Variants in SLC25A38 observed in about 807,000 individuals in gnomAD.
SLC25A38 encodes the protein solute carrier family 25 member 38.
Under a neutral mutation model 33.4 loss-of-function variants are expected in SLC25A38, and 27 were observed. That is an observed-to-expected ratio of 0.81 (90% CI 0.60 to 1.11). The LOEUF is 1.11. SLC25A38 is among the 50% of genes most tolerant of loss of function. The pLI, the probability that SLC25A38 is intolerant of heterozygous loss-of-function variation, is 0.00. For missense variants in SLC25A38, 344 were observed against 388.8 expected, an observed-to-expected ratio of 0.88 and a Z score of 0.97; for synonymous variants, 123 against 145.9, an observed-to-expected ratio of 0.84 and a Z score of 1.13.
intron 5 of SLC25A38, among the ~76,000 whole-genome samples, chr3:39,394,040 G>T (rs892259708): frequency 2.0e-5 from 3 of 152,128 alleles, no homozygotes; most frequent in Non-Finnish European, 4.4e-5. Context: ...TTTATCACTT[G>T]GATAAGATAC....
At chr3:39,391,283 CTA>C (rs1215332360) in intron 3 of SLC25A38, among the ~76,000 whole-genome samples, 156 bp from the exon 4 acceptor site, 10 of 152,238 alleles carry the variant, frequency 6.6e-5, no homozygotes. Flanking sequence ...GCCTTCTCTC[CTA>C]TCTCATGTCC....
chr3:39,387,503 T>G (rs866875185), intron 1 of SLC25A38, among the ~76,000 whole-genome samples: 1 of 152,034 alleles, frequency 6.6e-6, no homozygotes, highest in South Asian at 2.1e-4. Flanking sequence ...CATGGTGAGT[T>G]TTATGTGTCT....
At chr3:39,385,307 A>T (rs1278621001) in intron 1 of SLC25A38, among the ~76,000 whole-genome samples, 1 of 152,192 alleles carries the variant, frequency 6.6e-6, no homozygotes, top group Non-Finnish European at 1.5e-5. Flanking sequence ...GTACAAAGCT[A>T]AAAAAGTTAT....
chr3:39,386,516 A>G (rs1405498749), intron 1 of SLC25A38, among the ~76,000 whole-genome samples: 1 of 152,200 alleles, frequency 6.6e-6, no homozygotes, highest in African/African-American at 2.4e-5. Context: ...CATGGTTGGC[A>G]GTGAGCCATG....
At chr3:39,390,597 TGA>T in intron 3 of SLC25A38, 90 bp downstream of exon 3, 1 of 1,348,352 alleles carries the variant, frequency 7.4e-7, no homozygotes, top group East Asian at 2.3e-5. Flanking sequence ...TAAGGATATG[TGA>T]GAGTCAGAAG....
chr3:39,392,414 C>G (rs1200933930), intron 5 of SLC25A38, among the ~76,000 whole-genome samples: 1 of 152,100 alleles, frequency 6.6e-6, no homozygotes, highest in East Asian at 1.9e-4. Context: ...TCAAGACGCA[C>G]TTGATGTGAT....
rs1273433809 is a variant in SLC25A38, at chr3:39,391,902, A to G, written c.506A>G (p.Tyr169Cys). The stretch of plus-strand genomic sequence containing the variant: ...ATCTACGCTGCCCTGAGGAGCATCT[A>G]TCACAGTGAGGGGCACCGGGGCCTC... ...ESIYAALRSI[Y>C]HSEGHRGLFS... Residue 169 changes from tyrosine (Y) to cysteine (C), a missense_variant, in exon 5 of 7, where the codon TAT (tyrosine) becomes TGT (cysteine). Tyr to Cys is a radical substitution (Grantham distance 194). This residue lies in a region of SLC25A38 where 269 missense variants were observed against 271.8 expected (regional missense o/e 0.99). Coordinates refer to ENST00000650617, the MANE Select transcript of SLC25A38 (RefSeq NM_017875.4). 8.7e-6 allele frequency: 14 copies of G among 1,614,136 alleles called. No homozygotes were observed. Among genetic ancestry groups the G allele is most frequent in the African/African-American group, 1.3e-5 (1 of 75,026 alleles).
At chr3:39,391,413 T>C in intron 3 of SLC25A38, 28 bp from the exon 4 acceptor site, 1 of 1,612,446 alleles carries the variant, frequency 6.2e-7, no homozygotes, top group Non-Finnish European at 8.5e-7. Flanking sequence ...GGTCTTTGAT[T>C]TTCTTTTCTC....
At chr3:39,392,565 G>T (rs911237317) in intron 5 of SLC25A38, among the ~76,000 whole-genome samples, 4 of 152,016 alleles carry the variant, frequency 2.6e-5, no homozygotes, top group Admixed American at 6.6e-5. Flanking sequence ...TTCAGTCAGT[G>T]GGGGAGGCCC....
intron 1 of SLC25A38, among the ~76,000 whole-genome samples, chr3:39,386,475 G>T (rs926172261): frequency 6.6e-6 from 1 of 152,168 alleles, no homozygotes; most frequent in Non-Finnish European, 1.5e-5. Flanking sequence ...TCGTGAGGCT[G>T]AGGTGGGAGG....
At chr3:39,393,102 T>G (rs2041791338) in intron 5 of SLC25A38, among the ~76,000 whole-genome samples, 1 of 152,140 alleles carries the variant, frequency 6.6e-6, no homozygotes. Context: ...CTGGCCAACG[T>G]GGTGAAACCT....
Position 39,389,419 on chromosome 3 carries a change from A to G in SLC25A38, c.70-76A>G, listed in dbSNP as rs2041736065. On this transcript the variant is annotated intron_variant, in intron 1 of 6. Transcript: ENST00000650617. This position sits in a 1 kb window ranked among gnomAD's most constrained non-coding sequence, Gnocchi z 4.5. The stretch of plus-strand genomic sequence containing the variant: ...GTGTCTAAGAGACCATTATAAAGGA[A>G]TTTGCTGGTCAGGTATAGAGAAAGG... 2 of 1,611,172 alleles carry G rather than the reference A, an allele frequency of 1.2e-6. No individual in the cohort carries two copies. The highest frequency in any genetic ancestry group is 1.7e-5 in the Admixed American group (1 of 59,872).
intron 5 of SLC25A38, among the ~76,000 whole-genome samples, chr3:39,392,779 A>G (rs1391684974): frequency 1.3e-5 from 2 of 152,198 alleles, no homozygotes; most frequent in Admixed American, 6.5e-5. Flanking sequence ...CGCCATCATG[A>G]CTATGGGGAC....
chr3:39,383,880 C>CGAATT (rs2041676447), intron 1 of SLC25A38, 87 bp downstream of exon 1: 5 of 1,455,664 alleles, frequency 3.4e-6, no homozygotes, highest in South Asian at 2.3e-5. Context: ...GCTCGGCTAC[C>CGAATT]CTTTTCCGCG....
Position 39,383,782 on chromosome 3 carries a change from G to A in SLC25A38, c.58G>A (p.Glu20Lys), listed in dbSNP as rs1226937111. The change falls in exon 1 of 7, where the codon GAA becomes AAA. Residue 20 changes from glutamate to lysine, a missense_variant. Coordinates refer to ENST00000650617, the MANE Select transcript of SLC25A38 (RefSeq NM_017875.4). ...LQPQDVGDTV[E>K]TLMLHPVIKA... ...ACCCCAAGATGTCGGAGACACGGTG[G>A]AAACGCTTATGGTGAGGGCACTGCG... 5.0e-6 allele frequency: 8 copies of A among 1,614,176 alleles called. No individual in the cohort carries two copies. Among genetic ancestry groups the A allele is most frequent in the South Asian group, 4.4e-5 (4 of 91,088 alleles).
Position 39,384,894 on chromosome 3 carries a change from C to T in SLC25A38, c.69+1101C>T, listed in dbSNP as rs145582228. ...CGGCTCAACTGCAACCTCTGACTCC[C>T]GGGTTCAAGTATTTTTCCTGTCTCA... On this transcript the variant is annotated intron_variant, in intron 1 of 6. Coordinates refer to ENST00000650617, the MANE Select transcript of SLC25A38 (RefSeq NM_017875.4). 7.0e-3 allele frequency among the ~76,000 whole-genome samples: 1,066 copies of T among 151,610 alleles called. 2 individuals carry two copies. The highest frequency in any genetic ancestry group is 0.012 in the Non-Finnish European group (794 of 67,916).
At chr3:39,393,949 C>G (rs2041802668) in intron 5 of SLC25A38, among the ~76,000 whole-genome samples, 1 of 152,314 alleles carries the variant, frequency 6.6e-6, no homozygotes, top group Middle Eastern at 3.4e-3. Flanking sequence ...AAGAGGACCA[C>G]ATAAGTGATG....
chr3:39,392,493 G>A (rs1174105549), intron 5 of SLC25A38, among the ~76,000 whole-genome samples: 3 of 152,018 alleles, frequency 2.0e-5, no homozygotes, highest in Non-Finnish European at 4.4e-5. Flanking sequence ...CATCTCCCTT[G>A]CTGTGTTCCC....
rs2041752529 is a variant in SLC25A38 at position 39,390,523 on chromosome 3, G to C, written c.276+16G>C. ...GATGTCCCCTGTAAGCTGCCATCTG[G>C]GTCTAGGTTCCCTAGCATCCACTCC... On this transcript the variant is annotated intron_variant, in intron 3 of 6. Transcript: ENST00000650617. 1 of 1,613,304 alleles carries C rather than the reference G, an allele frequency of 6.2e-7. No homozygotes were observed. The highest frequency in any genetic ancestry group is 1.3e-5 in the African/African-American group (1 of 74,834).
Sources: gnomAD v4.1 joint callset for allele counts (sites outside exome capture counted in the v4.1 genomes callset) on GRCh38, gnomAD v4.1.1 for gene constraint, gnomAD v4.1.1 regional missense constraint, Gnocchi (gnomAD v3.1) non-coding constraint, MANE v1.5 for transcripts, NCBI Gene and HGNC (gene_info 2026-07-23, HGNC 2026-07-21) for gene names.